Variants in MAP2K6 observed in about 807,000 individuals in gnomAD.
MAP2K6 encodes dual specificity mitogen-activated protein kinase kinase 6.
In MAP2K6, 16 loss-of-function variants were observed where a neutral mutation model predicts 53.7. The ratio of observed to expected loss-of-function variants is 0.30; its 90% CI spans 0.20 to 0.45. MAP2K6 has a LOEUF of 0.45. Ranked by LOEUF, MAP2K6 falls within the 20% of genes least tolerant of loss-of-function variation. The pLI is 1.00. For missense variants in MAP2K6, 204 were observed against 411.9 expected, an observed-to-expected ratio of 0.50 and a Z score of 4.37; for synonymous variants, 132 against 143.1, an observed-to-expected ratio of 0.92 and a Z score of 0.55.
chr17:69,454,923 A>G (rs1907349681), intron 1 of MAP2K6, among the ~76,000 whole-genome samples: 1 of 152,228 alleles, frequency 6.6e-6, no homozygotes, highest in African/African-American at 2.4e-5. Flanking sequence ...TTTTACAAAT[A>G]GAAGGTCTAA....
Position 69,494,311 on chromosome 17 carries a change from A to G in MAP2K6, c.17-11469A>G, listed in dbSNP as rs1908861286. ...CCGAGAGTTTGTGACCAGCCTGGCCAACACGGTAAAACCTCATCTCTACTA... is the reference window on the plus strand; with the variant it reads ...CCGAGAGTTTGTGACCAGCCTGGCCGACACGGTAAAACCTCATCTCTACTA... On this transcript the variant is annotated intron_variant, in intron 1 of 11. Transcript: ENST00000590474. This position sits in a 1 kb window ranked among gnomAD's most constrained non-coding sequence, Gnocchi z 4.2. 6.6e-6 allele frequency among the ~76,000 whole-genome samples: 1 copy of G among 152,158 alleles called. No individual in the cohort carries two copies. Among genetic ancestry groups the G allele is most frequent in the African/African-American group, 2.4e-5 (1 of 41,428 alleles).
intron 1 of MAP2K6, among the ~76,000 whole-genome samples, chr17:69,425,336 G>A (rs1387023470): frequency 2.0e-5 from 3 of 150,540 alleles, no homozygotes; most frequent in African/African-American, 4.9e-5. Context: ...TTTCTGAGAT[G>A]GCGTATAGCT....
At chr17:69,517,639 T>A (rs1462658165) in intron 4 of MAP2K6, 26 bp downstream of exon 4, 1 of 1,524,256 alleles carries the variant, frequency 6.6e-7, no homozygotes. Flanking sequence ...TCCCAAATGT[T>A]TTATATCTGC....
chr17:69,439,630 T>A (rs550775652), intron 1 of MAP2K6, among the ~76,000 whole-genome samples: 2 of 152,340 alleles, frequency 1.3e-5, no homozygotes, highest in East Asian at 3.9e-4. Context: ...GGGACTTTAC[T>A]TCTCTTGTCT....
At chr17:69,475,571 C>T (rs1908124208) in intron 1 of MAP2K6, among the ~76,000 whole-genome samples, 1 of 152,216 alleles carries the variant, frequency 6.6e-6, no homozygotes, top group African/African-American at 2.4e-5. Context: ...TGTGTACACA[C>T]AAAGAACATT....
chr17:69,447,206 T>C (rs1273294414), intron 1 of MAP2K6, among the ~76,000 whole-genome samples: 2 of 152,146 alleles, frequency 1.3e-5, no homozygotes, highest in Non-Finnish European at 2.9e-5. Flanking sequence ...TTCGAACTCC[T>C]GACCTCAGGT....
At chr17:69,424,502 C>T (rs138253301) in intron 1 of MAP2K6, among the ~76,000 whole-genome samples, 8 of 152,178 alleles carry the variant, frequency 5.3e-5, no homozygotes, top group South Asian at 4.2e-4. Context: ...AAACTGAGGC[C>T]GGAGAGGTTA....
At chr17:69,451,741 A>T (rs1424969130) in intron 1 of MAP2K6, among the ~76,000 whole-genome samples, 1 of 152,052 alleles carries the variant, frequency 6.6e-6, no homozygotes, top group Admixed American at 6.6e-5. Context: ...AGGCCTTTAT[A>T]CCCCTGTGCT....
chr17:69,496,274 CT>C (rs10676734), intron 1 of MAP2K6, among the ~76,000 whole-genome samples: 141 of 140,304 alleles, frequency 1.0e-3, no homozygotes, highest in South Asian at 6.2e-3. Flanking sequence ...GCCTTCCCTT[CT>C]TTTTTTTTTT....
At chr17:69,452,227 G>A (rs1907255326) in intron 1 of MAP2K6, among the ~76,000 whole-genome samples, 1 of 151,170 alleles carries the variant, frequency 6.6e-6, no homozygotes. Flanking sequence ...TACAGGCCGG[G>A]GATGCTGCTG....
At chr17:69,439,207 T>C (rs556300846) in intron 1 of MAP2K6, among the ~76,000 whole-genome samples, 41 of 152,346 alleles carry the variant, frequency 2.7e-4, no homozygotes, top group African/African-American at 8.4e-4. Flanking sequence ...AGAAAATTGC[T>C]TACATCTTCT....
At chr17:69,462,060 G>A (rs1027095314) in intron 1 of MAP2K6, among the ~76,000 whole-genome samples, 4 of 152,168 alleles carry the variant, frequency 2.6e-5, no homozygotes, top group Non-Finnish European at 5.9e-5. Flanking sequence ...ACGAATTACA[G>A]ACATTCGGGA....
Position 69,500,461 on chromosome 17 carries a change from A to AAAAG in MAP2K6, c.17-5316_17-5315insGAAA, listed in dbSNP as rs1250650232. 1.7e-4 allele frequency among the ~76,000 whole-genome samples: 25 copies of AAAAG among 149,550 alleles called. 1 individual carries two copies. Among genetic ancestry groups the AAAAG allele is most frequent in the Non-Finnish European group, 3.0e-4 (20 of 67,226 alleles). The stretch of plus-strand genomic sequence containing the variant: ...AGACTCTGTCTCAAAAAAAAAAAAA[A>AAAAG]AAAAAAAAAAAAAGGCCGGCCATGG... On this transcript the variant is annotated intron_variant, in intron 1 of 11. Coordinates refer to ENST00000590474, the MANE Select transcript of MAP2K6 (RefSeq NM_002758.4).
intron 10 of MAP2K6, 146 bp from the exon 11 acceptor site, chr17:69,535,969 C>A (rs1911335820): frequency 3.3e-6 from 2 of 610,070 alleles, no homozygotes. Context: ...ATAAGTGTTA[C>A]AGAAGAGGAA....
intron 1 of MAP2K6, among the ~76,000 whole-genome samples, chr17:69,487,160 A>G (rs1908571780): frequency 6.6e-6 from 1 of 152,182 alleles, no homozygotes. Context: ...ACCAGAATTT[A>G]TATATAGCCC....
At chr17:69,460,483 T>G (rs1907588932) in intron 1 of MAP2K6, among the ~76,000 whole-genome samples, 1 of 152,090 alleles carries the variant, frequency 6.6e-6, no homozygotes, top group Non-Finnish European at 1.5e-5. Flanking sequence ...ATGTGGGAAG[T>G]AGCATGAACA....
At position 69,543,841 on chromosome 17, in the gene MAP2K6, CA is replaced by C. The variant is rs1351020179; in HGVS notation, c.*2091del. The C allele has an allele frequency of 6.6e-6, 1 of 152,054 alleles. No individual in the cohort carries two copies. The highest frequency in any genetic ancestry group is 1.5e-5 in the Non-Finnish European group (1 of 68,020). The allele number at this position is 152,054 out of a possible 1,614,324, so 9.4% of individuals were successfully genotyped here. A position where few individuals can be genotyped will look rare whatever the true frequency, so the allele number is the denominator to read the frequency against. Reference sequence around the variant, plus strand: ...GCCTCTCCCATCTGTGAACCTAGGCCAAAGTTGCAAAAACAATCATATTAAT... The same window carrying C: ...GCCTCTCCCATCTGTGAACCTAGGCCAAGTTGCAAAAACAATCATATTAAT... On this transcript the variant is annotated 3_prime_UTR_variant, in exon 12 of 12. Coordinates refer to ENST00000590474, the MANE Select transcript of MAP2K6 (RefSeq NM_002758.4).
rs750223774 is a variant in MAP2K6, at chr17:69,552,455, C to T, written c.*10702C>T. On this transcript the variant is annotated 3_prime_UTR_variant, in exon 12 of 12. Coordinates refer to ENST00000590474, the MANE Select transcript of MAP2K6 (RefSeq NM_002758.4). ...CTTTTTCTGGTTGGAATCATCTCTTCTTTACGGATTGCCGCATTGTCTCTT... is the reference window on the plus strand; with the variant it reads ...CTTTTTCTGGTTGGAATCATCTCTTTTTTACGGATTGCCGCATTGTCTCTT... 2.6e-5 allele frequency: 4 copies of T among 152,248 alleles called. No homozygotes were observed. The highest frequency in any genetic ancestry group is 5.9e-5 in the Non-Finnish European group (4 of 68,060). The allele number at this position is 152,248 out of a possible 1,614,324, so 9.4% of individuals were successfully genotyped here.
rs1334183744 is a variant in MAP2K6 at position 69,422,121 on chromosome 17, GTAATT to G, written c.16+7123_16+7127del. On this transcript the variant is annotated intron_variant, in intron 1 of 11. Transcript: ENST00000590474. The stretch of plus-strand genomic sequence containing the variant: ...ACAATGAAGTCTATCAGAAATCATC[GTAATT>G]TTTTTTTTTTTTTTTTTTTTTTTGA... Among the ~76,000 whole-genome samples, 14 of 135,872 alleles carry G rather than the reference GTAATT, an allele frequency of 1.0e-4. No individual in the cohort carries two copies. In the East Asian group the frequency reaches 2.8e-3, roughly 27 times the overall value. 89.1% of individuals were successfully genotyped at this position (135,872 alleles called of 152,430 possible).
Sources: allele counts gnomAD v4.1 joint callset (sites outside exome capture counted in the v4.1 genomes callset), GRCh38; gene constraint gnomAD v4.1.1; non-coding constraint Gnocchi (gnomAD v3.1); transcripts MANE v1.5; gene names NCBI Gene and HGNC (gene_info 2026-07-23, HGNC 2026-07-21).